The following DENND2B variants were observed in gnomAD, a reference collection of about 807,000 sequenced individuals.
DENND2B encodes DENN domain-containing protein 2B.
A neutral mutation model predicts 116.0 loss-of-function variants in DENND2B; 32 were observed. The ratio of observed to expected loss-of-function variants is 0.28; its 90% CI spans 0.21 to 0.37. The LOEUF (loss-of-function observed/expected upper bound fraction) is 0.37, where lower values mean the gene tolerates loss of function less well. Among genes scored for constraint, DENND2B ranks in the 10% least tolerant of loss-of-function variants. DENND2B has a pLI of 1.00. For missense variants in DENND2B, 1,276 were observed against 1,477.7 expected (o/e 0.86, Z 2.24); for synonymous variants, 588 against 583.9 (o/e 1.01, Z -0.10).
chr11:8,849,471 C>T lies in DENND2B; in HGVS notation c.-156+7872G>A, dbSNP rs575354298. Among the ~76,000 whole-genome samples, 50 of 111,168 alleles carry T rather than the reference C, an allele frequency of 4.5e-4. No individual in the cohort carries two copies. The Admixed American group carries it at 5.4e-3, about 12-fold the overall frequency. 72.9% of individuals were successfully genotyped at this position (111,168 alleles called of 152,430 possible). ...TCACACCATTGCATTCCAGCCTGGG[C>T]GACAGAGCTAGACTGTCTCAAAAAA... On this transcript the variant is annotated intron_variant, in intron 3 of 6. Transcript: ENST00000524757.
At chr11:8,868,874 C>G (rs1461329220) in intron 2 of DENND2B, among the ~76,000 whole-genome samples, 1 of 152,196 alleles carries the variant, frequency 6.6e-6, no homozygotes, top group Non-Finnish European at 1.5e-5. Context: ...CTTTATAATT[C>G]TTAGATTCTA....
intron 1 of DENND2B, among the ~76,000 whole-genome samples, chr11:8,753,057 C>A (rs2052829511): frequency 6.6e-6 from 1 of 152,058 alleles, no homozygotes; most frequent in Non-Finnish European, 1.5e-5. Context: ...GCCAACATGG[C>A]AAAACCCCAT....
upstream of DENND2B, chr11:8,810,996 G>A (rs1016469058): frequency 1.4e-4 from 43 of 299,556 alleles, no homozygotes; most frequent in Non-Finnish European, 1.2e-4. Flanking sequence ...GGAGAAGACA[G>A]TGAGTGGACT....
At chr11:8,845,135 G>A (rs766790808) in intron 3 of DENND2B, 1 of 151,936 alleles carries the variant, frequency 6.6e-6, no homozygotes, top group Non-Finnish European at 1.5e-5. Flanking sequence ...AAACATAATT[G>A]GTTTAGAAAT....
rs1413281975 is a variant in DENND2B, at chr11:8,707,551, G to A, written c.2430+226C>T. Among the ~76,000 whole-genome samples, 1 of 152,216 alleles carries A rather than the reference G, an allele frequency of 6.6e-6. No individual in the cohort carries two copies. The highest frequency in any genetic ancestry group is 2.4e-5 in the African/African-American group (1 of 41,470). On this transcript the variant is annotated intron_variant, in intron 12 of 19. Transcript: ENST00000313726. This position sits in a 1 kb window ranked among gnomAD's most constrained non-coding sequence, Gnocchi z 4.8. ...CTAGGGCCCAGGGTGGGCTGTGACAGGGGCAGACACTGCCAGCACAGGAGC... is the reference window on the plus strand; with the variant it reads ...CTAGGGCCCAGGGTGGGCTGTGACAAGGGCAGACACTGCCAGCACAGGAGC...
At chr11:8,701,856 T>C (rs1267200925) in intron 14 of DENND2B, among the ~76,000 whole-genome samples, 1 of 152,048 alleles carries the variant, frequency 6.6e-6, no homozygotes. Context: ...AAATCATAAA[T>C]GCCAGCATTT....
At chr11:8,783,931 T>C (rs925186846) in intron 1 of DENND2B, 1 of 152,230 alleles carries the variant, frequency 6.6e-6, no homozygotes, top group African/African-American at 2.4e-5. Context: ...CTGGGAGAGC[T>C]GTTTGTGACT....
At chr11:8,698,185 G>A (rs933183372) in intron 16 of DENND2B, among the ~76,000 whole-genome samples, 1 of 146,920 alleles carries the variant, frequency 6.8e-6, no homozygotes, top group Admixed American at 6.8e-5. Flanking sequence ...AGCCAGTGTG[G>A]CATTCACTGG....
At chr11:8,853,345 A>G (rs1019764733) in intron 3 of DENND2B, among the ~76,000 whole-genome samples, 2 of 152,212 alleles carry the variant, frequency 1.3e-5, no homozygotes, top group Non-Finnish European at 2.9e-5. Flanking sequence ...CCTGGGCGAC[A>G]AGAGCACAAA....
upstream of DENND2B, among the ~76,000 whole-genome samples, chr11:8,872,917 C>A (rs1324546236): frequency 6.6e-6 from 1 of 152,212 alleles, no homozygotes; most frequent in Admixed American, 6.5e-5. Context: ...TACTCTAGTT[C>A]ACTGAAGTGC....
chr11:8,775,992 C>T (rs562552299), intron 1 of DENND2B, among the ~76,000 whole-genome samples: 9 of 152,260 alleles, frequency 5.9e-5, no homozygotes, highest in African/African-American at 2.2e-4. Context: ...AACCGCCAAT[C>T]ACACCAGACT....
chr11:8,731,316 G>T, intron 2 of DENND2B, 107 bp from the exon 3 acceptor site: 1 of 1,106,450 alleles, frequency 9.0e-7, no homozygotes. Flanking sequence ...CTTTTTCCTG[G>T]AGGACTCTCA....
At chr11:8,745,000 C>G (rs1002721518) in intron 2 of DENND2B, among the ~76,000 whole-genome samples, 5 of 151,882 alleles carry the variant, frequency 3.3e-5, no homozygotes, top group African/African-American at 1.2e-4. Flanking sequence ...TCACTGCTAC[C>G]TCCATCTCCC....
In DENND2B at chr11:8,694,085, GAGA is replaced by G. The variant is rs2039874411; in HGVS notation, c.*8_*10del. Reference sequence around the variant, plus strand: ...CTGCAAGGCACTGGACTCTGCTACTGAGAAGGAGGCTTAATTCTTCTTGTGGAG... The same window carrying G: ...CTGCAAGGCACTGGACTCTGCTACTGAGGAGGCTTAATTCTTCTTGTGGAG... On this transcript the variant is annotated 3_prime_UTR_variant, in exon 20 of 20. Coordinates refer to ENST00000313726, the MANE Select transcript of DENND2B (RefSeq NM_213618.2). 1 of 1,614,140 alleles carries G rather than the reference GAGA, an allele frequency of 6.2e-7. No individual in the cohort carries two copies.
intron 2 of DENND2B, among the ~76,000 whole-genome samples, chr11:8,876,907 G>T (rs991265160): frequency 6.6e-6 from 1 of 150,718 alleles, no homozygotes; most frequent in African/African-American, 2.4e-5. Flanking sequence ...AGAAAGAAAA[G>T]AAAAGAAAGT....
At chr11:8,715,153 G>A (rs1029289228) in intron 6 of DENND2B, among the ~76,000 whole-genome samples, 14 of 152,330 alleles carry the variant, frequency 9.2e-5, no homozygotes, top group African/African-American at 2.9e-4. Context: ...ATTGTTTGCA[G>A]GTTAAAAATA....
At chr11:8,875,417 A>T (rs2063831589), upstream of DENND2B, among the ~76,000 whole-genome samples, 1 of 146,628 alleles carries the variant, frequency 6.8e-6, no homozygotes, top group Admixed American at 6.8e-5. Flanking sequence ...TGACACTGTG[A>T]TTTTTTTTTT....
chr11:8,835,862 C>G (rs2062399977), intron 4 of DENND2B, among the ~76,000 whole-genome samples: 1 of 152,184 alleles, frequency 6.6e-6, no homozygotes, highest in Non-Finnish European at 1.5e-5. Flanking sequence ...AGGAACACGT[C>G]TACAGAGCCT....
chr11:8,766,759 C>A lies in DENND2B; in HGVS notation c.-25-16034G>T. The A allele has an allele frequency of 4.4e-6, 5 of 1,136,536 alleles. No homozygotes were observed. The South Asian group carries it at 6.6e-5, about 15-fold the overall frequency. 70.4% of individuals were successfully genotyped at this position (1,136,536 alleles called of 1,614,324 possible). On this transcript the variant is annotated intron_variant, in intron 1 of 19. Transcript: ENST00000313726. ...ACAATAGTCAACTGTTGTGATGTCA[C>A]AGGACTCAACTTTTGTCATTTTAGG... is the stretch of plus-strand genomic sequence containing the variant.
Sources: allele counts gnomAD v4.1 joint callset (sites outside exome capture counted in the v4.1 genomes callset), GRCh38; gene constraint gnomAD v4.1.1; non-coding constraint Gnocchi (gnomAD v3.1); transcripts MANE v1.5; gene names NCBI Gene and HGNC (gene_info 2026-07-23, HGNC 2026-07-21).